The following ERICH1 variants were observed in gnomAD, a reference collection of about 807,000 sequenced individuals.
ERICH1 encodes glutamate-rich protein 1.
In ERICH1, 56 loss-of-function variants were observed where a neutral mutation model predicts 39.6. The ratio of observed to expected loss-of-function variants is 1.41; its 90% CI spans 1.14 to 1.77. The LOEUF (loss-of-function observed/expected upper bound fraction) is 1.77, where lower values mean the gene tolerates loss of function less well. Among genes scored for constraint, ERICH1 ranks in the 40% most tolerant of loss-of-function variants. The pLI is 0.00. For synonymous variants in ERICH1, 313 were observed against 223.6 expected (o/e 1.40, Z -3.57); for missense variants, 826 against 575.4 (o/e 1.44, Z -4.45).
downstream of ERICH1, among the ~76,000 whole-genome samples, chr8:663,019 C>T (rs1056602953): frequency 1.1e-4 from 16 of 152,240 alleles, no homozygotes; most frequent in African/African-American, 2.4e-4. Context: ...CCTCGGGTGA[C>T]GCTGGGAAGA....
At chr8:672,668 T>A (rs563462052) in intron 4 of ERICH1, among the ~76,000 whole-genome samples, 6 of 152,348 alleles carry the variant, frequency 3.9e-5, no homozygotes, top group African/African-American at 1.2e-4. Context: ...GGCAGCCACG[T>A]GTCCCTAGGT....
At chr8:685,570 C>T (rs2131994317) in intron 3 of ERICH1, among the ~76,000 whole-genome samples, 1 of 152,220 alleles carries the variant, frequency 6.6e-6, no homozygotes, top group African/African-American at 2.4e-5. Context: ...AATTTATGTT[C>T]AGAGATTGCA....
intron 2 of ERICH1, among the ~76,000 whole-genome samples, chr8:701,421 C>A (rs912281610): frequency 6.6e-6 from 1 of 151,970 alleles, no homozygotes; most frequent in Non-Finnish European, 1.5e-5. Context: ...ACGCCTTACC[C>A]ACGGGTGTGC....
intron 3 of ERICH1, among the ~76,000 whole-genome samples, chr8:674,962 C>T (rs1228037751): frequency 6.6e-6 from 1 of 152,222 alleles, no homozygotes; most frequent in Admixed American, 6.5e-5. Context: ...TTTCAAACTA[C>T]CACTGTGGTG....
At chr8:644,315 G>C (rs1031240479) in intron 3 of ERICH1, among the ~76,000 whole-genome samples, 1 of 152,232 alleles carries the variant, frequency 6.6e-6, no homozygotes, top group Admixed American at 6.5e-5. Context: ...TGTGGTCATC[G>C]TCTCTTTGTA....
At chr8:631,546 G>C (rs571841183) in intron 3 of ERICH1, among the ~76,000 whole-genome samples, 1 of 152,260 alleles carries the variant, frequency 6.6e-6, no homozygotes, top group Non-Finnish European at 1.5e-5. Context: ...TTGAGGCCTG[G>C]GTGTGTCCTG....
In ERICH1 at chr8:616,292, G is replaced by A. The variant is rs577122150; in HGVS notation, c.977-1008C>T. 1.1e-3 allele frequency: 326 copies of A among 302,996 alleles called. 1 individual carries two copies. The highest frequency in any genetic ancestry group is 2.0e-3 in the South Asian group (74 of 36,252). 18.8% of individuals were successfully genotyped at this position (302,996 alleles called of 1,614,324 possible). ...TGTAACGTTGCATTTTCACATTTGT[G>A]TGGCAGGACAAGCATGGGGCAAGAG... On this transcript the variant is annotated intron_variant, in intron 3 of 3. Coordinates refer to the ERICH1 transcript ENST00000522706.
chr8:631,482 C>T (rs1031604036), intron 3 of ERICH1, among the ~76,000 whole-genome samples: 35 of 152,024 alleles, frequency 2.3e-4, no homozygotes, highest in Non-Finnish European at 4.9e-4. Context: ...AGTGGAGGGG[C>T]CTTAACAGTC....
At chr8:660,997 T>C (rs1801351010), downstream of ERICH1, among the ~76,000 whole-genome samples, 1 of 152,192 alleles carries the variant, frequency 6.6e-6, no homozygotes, top group African/African-American at 2.4e-5. Context: ...TGGCTCGCTC[T>C]CAGCCTTCAG....
At chr8:690,168 C>G (rs1182129248) in intron 3 of ERICH1, among the ~76,000 whole-genome samples, 1 of 152,178 alleles carries the variant, frequency 6.6e-6, no homozygotes, top group Admixed American at 6.5e-5. Context: ...AGAACCACAT[C>G]CAACACAATG....
chr8:700,202 G>GCACAGGCCCGCACAGGCGCACAGACCC (rs1811618915), intron 2 of ERICH1, among the ~76,000 whole-genome samples: 5 of 24,562 alleles, frequency 2.0e-4, no homozygotes, highest in South Asian at 1.3e-3. Flanking sequence ...CGCACAGGCC[G>GCACAGGCCCGCACAGGCGCACAGACCC]GCACAGGCGC....
At chr8:654,542 C>T (rs11782723) in intron 3 of ERICH1, among the ~76,000 whole-genome samples, 105,136 of 152,060 alleles carry the variant, frequency 0.69, 36,763 homozygotes, top group East Asian at 0.9. Context: ...ATATGTATGC[C>T]ATACATCAAA....
intron 3 of ERICH1, among the ~76,000 whole-genome samples, chr8:653,151 C>T (rs1177841002): frequency 6.6e-6 from 1 of 152,222 alleles, no homozygotes; most frequent in Non-Finnish European, 1.5e-5. Context: ...CTTGTACACC[C>T]ATGTACAGAG....
In ERICH1 at chr8:648,582, G is replaced by A. The variant is rs1421288732; in HGVS notation, c.976+20016C>T. ...TTCATTCCAAGTATGAAGCCAGGAA[G>A]GAGCCCGCTGGTTCTACTCTTCACT... is the stretch of plus-strand genomic sequence containing the variant. On this transcript the variant is annotated intron_variant, in intron 3 of 3. Coordinates refer to the ERICH1 transcript ENST00000522706. Among the ~76,000 whole-genome samples the A allele has an allele frequency of 7.5e-5, 5 of 66,268 alleles. 2 individuals carry two copies. The highest frequency in any genetic ancestry group is 1.4e-4 in the Non-Finnish European group (3 of 21,414). The allele number at this position is 66,268 out of a possible 152,430, so 43.5% of individuals were successfully genotyped here.
rs1353622737 is a variant in ERICH1, at chr8:664,586, T to G, written c.*17A>C. The G allele has an allele frequency of 1.9e-6, 3 of 1,601,474 alleles. No homozygotes were observed. The highest frequency in any genetic ancestry group is 1.7e-6 in the Non-Finnish European group (2 of 1,175,594). ...TTTTTTGTTAAAGAGGAGCTGTTCTTAAAGAGATATTCCATTTTAGTCACT... is the reference window on the plus strand; with the variant it reads ...TTTTTTGTTAAAGAGGAGCTGTTCTGAAAGAGATATTCCATTTTAGTCACT... On this transcript the variant is annotated 3_prime_UTR_variant, in exon 6 of 6. Transcript: ENST00000262109.
chr8:635,371 G>A (rs1210556256), intron 3 of ERICH1, among the ~76,000 whole-genome samples: 1 of 152,202 alleles, frequency 6.6e-6, no homozygotes, highest in East Asian at 1.9e-4. Context: ...GTTGGGACCA[G>A]CCTGAGCTTC....
chr8:704,934 T>C (rs1812923312), intron 2 of ERICH1, among the ~76,000 whole-genome samples: 2 of 152,176 alleles, frequency 1.3e-5, no homozygotes, highest in South Asian at 4.1e-4. Context: ...GAATCTAAAA[T>C]ATATGCAACA....
intron 3 of ERICH1, among the ~76,000 whole-genome samples, chr8:688,276 T>TCCCCGCCCCGCCCCGGCCCCGC (rs1808005462): frequency 1.3e-4 from 6 of 46,750 alleles, no homozygotes; most frequent in Admixed American, 2.4e-4. Flanking sequence ...GTTCCGCCCG[T>TCCCCGCCCCGCCCCGGCCCCGC]CCCCGCCCCG....
At position 685,973 on chromosome 8, in the gene ERICH1, C is replaced by A. The variant is rs1286281575; in HGVS notation, c.304+6505G>T. Among the ~76,000 whole-genome samples the A allele has an allele frequency of 1.4e-5, 2 of 139,214 alleles. 1 individual carries two copies. Among genetic ancestry groups the A allele is most frequent in the South Asian group, 4.7e-4 (2 of 4,218 alleles). 91.3% of individuals were successfully genotyped at this position (139,214 alleles called of 152,430 possible). A position where few individuals can be genotyped will look rare whatever the true frequency, so the allele number is the denominator to read the frequency against. ...CAGCCTGGCCAACATGGTGAAACCC[C>A]GTCTCTACTAAAAAATACCAAAAAA... is the stretch of plus-strand genomic sequence containing the variant. On this transcript the variant is annotated intron_variant, in intron 3 of 5. Transcript: ENST00000262109.
Sources: gnomAD v4.1 joint callset for allele counts (sites outside exome capture counted in the v4.1 genomes callset) on GRCh38, gnomAD v4.1.1 for gene constraint, MANE v1.5 for transcripts, NCBI Gene and HGNC (gene_info 2026-07-23, HGNC 2026-07-21) for gene names.